The following KCNN2 variants were observed in gnomAD, a reference collection of about 807,000 sequenced individuals.
The protein encoded by KCNN2 is potassium calcium-activated channel subfamily N member 2.
In KCNN2, 24 loss-of-function variants were observed where a neutral mutation model predicts 55.5. That is an observed-to-expected ratio of 0.43 (90% CI 0.31 to 0.61). The LOEUF is 0.61. Ranked by LOEUF, KCNN2 falls within the 20% of genes least tolerant of loss-of-function variation. KCNN2 has a pLI of 0.08. For synonymous variants in KCNN2, 431 were observed against 336.1 expected, an observed-to-expected ratio of 1.28 and a Z score of -3.09; for missense variants, 754 against 853.6, an observed-to-expected ratio of 0.88 and a Z score of 1.45.
At chr5:114,196,864 T>C (rs1175271273) in intron 1 of KCNN2, among the ~76,000 whole-genome samples, 1 of 152,042 alleles carries the variant, frequency 6.6e-6, no homozygotes, top group Non-Finnish European at 1.5e-5. Context: ...TTCTGTATTA[T>C]TTCCTTCTTT....
chr5:114,315,420 ACTGTGTGTGTGT>A (rs1458933783), intron 2 of KCNN2, among the ~76,000 whole-genome samples: 1 of 116,156 alleles, frequency 8.6e-6, no homozygotes, highest in Non-Finnish European at 1.8e-5. Flanking sequence ...GAAGGCAGAA[ACTGTGTGTGTGT>A]GTGTGTGTGT....
chr5:114,394,617 G>A (rs1274274561), intron 2 of KCNN2, among the ~76,000 whole-genome samples: 43 of 152,138 alleles, frequency 2.8e-4, no homozygotes, highest in Non-Finnish European at 8.8e-5. Context: ...CTTTTAATAT[G>A]CTAGTATTTT....
chr5:114,181,146 T>A lies in KCNN2; in HGVS notation c.-270-40334T>A, dbSNP rs1753228962. On this transcript the variant is annotated intron_variant, in intron 1 of 10. Transcript: ENST00000512097. Reference sequence around the variant, plus strand: ...TTCTTTTCTCTTAAGTACCTAGTACTGAAATTGCTTGGTCATAGGGTAGAT... The same window carrying A: ...TTCTTTTCTCTTAAGTACCTAGTACAGAAATTGCTTGGTCATAGGGTAGAT... Among the ~76,000 whole-genome samples, 8 of 152,328 alleles carry A rather than the reference T, an allele frequency of 5.3e-5. No individual in the cohort carries two copies. The South Asian group carries it at 1.7e-3, about 32-fold the overall frequency.
intron 2 of KCNN2, among the ~76,000 whole-genome samples, chr5:114,295,409 A>T (rs1173421208): frequency 6.6e-6 from 1 of 150,646 alleles, no homozygotes; most frequent in African/African-American, 2.4e-5. Context: ...AATGGCAGGC[A>T]CCCCTCCCCC....
At chr5:114,126,089 G>T (rs528320389) in intron 1 of KCNN2, among the ~76,000 whole-genome samples, 70 of 151,954 alleles carry the variant, frequency 4.6e-4, no homozygotes, top group African/African-American at 1.7e-3. Flanking sequence ...TATTCTCCTG[G>T]TGTCTCTTCA....
At chr5:114,406,058 C>T (rs1387749355) in intron 3 of KCNN2, among the ~76,000 whole-genome samples, 1 of 146,046 alleles carries the variant, frequency 6.8e-6, no homozygotes, top group Admixed American at 6.9e-5. Flanking sequence ...GTTATACACT[C>T]AGATAGTTCA....
rs1750421350 is a variant in KCNN2 at position 114,065,230 on chromosome 5, G to T, written c.-271+8730G>T. ...GGAGAGAAGACAAAAGAGGAACTTA[G>T]CTTTCTAGCTCTCTCCTGTTTCATT... On this transcript the variant is annotated intron_variant, in intron 1 of 10. Transcript: ENST00000512097. 2.6e-5 allele frequency among the ~76,000 whole-genome samples: 4 copies of T among 152,282 alleles called. No individual in the cohort carries two copies. In the South Asian group the frequency reaches 8.3e-4, roughly 32 times the overall value.
At chr5:114,341,029 G>A (rs194448) in intron 2 of KCNN2, among the ~76,000 whole-genome samples, 67,998 of 151,996 alleles carry the variant, frequency 0.45, 15,846 homozygotes, top group East Asian at 0.86. Context: ...TTTTTAAAGG[G>A]TGAATATAAT....
chr5:114,487,100 A>G lies in KCNN2; in HGVS notation c.1941A>G (p.Lys647=). ...TCAGGGAAACATGGCTAATTTACAA[A>G]AATACAAAGCTAGTGAAAAAGATAG... ...NVLRETWLIY[K]NTKLVKKIDH... The change falls in exon 6 of 8, where the codon AAA becomes AAG. Residue 647 remains lysine, a synonymous_variant. Coordinates refer to ENST00000673685, the MANE Select transcript of KCNN2 (RefSeq NM_021614.4). 1 of 1,613,126 alleles carries G rather than the reference A, an allele frequency of 6.2e-7. No individual in the cohort carries two copies. The highest frequency in any genetic ancestry group is 8.5e-7 in the Non-Finnish European group (1 of 1,179,320).
At chr5:114,455,799 T>C (rs185937468) in intron 3 of KCNN2, among the ~76,000 whole-genome samples, 38 of 152,336 alleles carry the variant, frequency 2.5e-4, no homozygotes, top group Admixed American at 3.9e-4. Context: ...GTAGTCTGGA[T>C]AGAAGATAAA....
At chr5:114,098,977 C>T (rs1751319173) in intron 1 of KCNN2, among the ~76,000 whole-genome samples, 1 of 152,082 alleles carries the variant, frequency 6.6e-6, no homozygotes, top group African/African-American at 2.4e-5. Flanking sequence ...ATATCCCTCC[C>T]AGCTATAAAA....
chr5:114,064,441 T>C (rs1351535701), intron 1 of KCNN2, among the ~76,000 whole-genome samples: 1 of 152,174 alleles, frequency 6.6e-6, no homozygotes, highest in Admixed American at 6.5e-5. Flanking sequence ...TCCACAGTGC[T>C]GTGAGGAAGC....
rs78735849 is a variant in KCNN2 at position 114,393,720 on chromosome 5, A to T, written c.1219-10718A>T. ...TTCAGAGATACTTTATGCACATACA[A>T]ATACAAATATACCATCTCCCCTTTA... On this transcript the variant is annotated intron_variant, in intron 2 of 7. Coordinates refer to ENST00000673685, the MANE Select transcript of KCNN2 (RefSeq NM_021614.4). Among the ~76,000 whole-genome samples the T allele has an allele frequency of 4.3e-3, 658 of 152,148 alleles. 6 individuals are homozygous for T. Among genetic ancestry groups the T allele is most frequent in the African/African-American group, 0.015 (619 of 41,522 alleles).
At chr5:114,169,824 A>G (rs1193176632) in intron 1 of KCNN2, among the ~76,000 whole-genome samples, 2 of 152,146 alleles carry the variant, frequency 1.3e-5, no homozygotes, top group Admixed American at 1.3e-4. Context: ...TATTTAGAGA[A>G]CTGAGTATTT....
chr5:114,453,565 A>G (rs187321582), intron 3 of KCNN2, among the ~76,000 whole-genome samples: 2 of 152,320 alleles, frequency 1.3e-5, no homozygotes, highest in Non-Finnish European at 2.9e-5. Context: ...TTTTCCAGTC[A>G]AAGAAATAGA....
intron 1 of KCNN2, among the ~76,000 whole-genome samples, chr5:114,078,105 A>C (rs2112536089): frequency 6.6e-6 from 1 of 152,312 alleles, no homozygotes; most frequent in African/African-American, 2.4e-5. Flanking sequence ...AGTGCAGAAA[A>C]ATCAGGGAGG....
At chr5:114,401,430 A>C (rs1224418326) in intron 2 of KCNN2, among the ~76,000 whole-genome samples, 1 of 152,174 alleles carries the variant, frequency 6.6e-6, no homozygotes, top group Non-Finnish European at 1.5e-5. Flanking sequence ...TGATATTAGG[A>C]CCTATCCAGT....
intron 2 of KCNN2, among the ~76,000 whole-genome samples, chr5:114,255,225 T>C (rs1754958959): frequency 6.6e-6 from 1 of 152,170 alleles, no homozygotes. Context: ...GAGAGACATA[T>C]GTGAACAAAA....
intron 5 of KCNN2, 79 bp from the exon 6 acceptor site, chr5:114,486,971 T>G (rs2150137264): frequency 6.6e-7 from 1 of 1,505,840 alleles, no homozygotes; most frequent in South Asian, 1.2e-5. Context: ...ATCCTTGGGA[T>G]GAAGACTATG....
Sources: gnomAD v4.1 joint callset for allele counts (sites outside exome capture counted in the v4.1 genomes callset) on GRCh38, gnomAD v4.1.1 for gene constraint, MANE v1.5 for transcripts, NCBI Gene and HGNC (gene_info 2026-07-23, HGNC 2026-07-21) for gene names.